Variants in SMARCB1 observed in about 807,000 individuals in gnomAD.
SMARCB1 encodes SWI/SNF-related matrix-associated actin-dependent regulator of chromatin subfamily B member 1.
SMARCB1 carries 5 observed loss-of-function variants against 49.0 expected under a neutral mutation model. That is an observed-to-expected ratio of 0.10 (90% CI 0.05 to 0.21). The LOEUF is 0.21. Ranked by LOEUF, SMARCB1 falls within the 10% of genes least tolerant of loss-of-function variation. The pLI is 1.00. For synonymous variants in SMARCB1, 201 were observed against 200.1 expected, an observed-to-expected ratio of 1.00 and a Z score of -0.04; for missense variants, 226 against 509.2, an observed-to-expected ratio of 0.44 and a Z score of 5.35.
At chr22:23,832,665 TG>T (rs1292415078) in intron 7 of SMARCB1, among the ~76,000 whole-genome samples, 1 of 149,232 alleles carries the variant, frequency 6.7e-6, no homozygotes, top group African/African-American at 2.5e-5. Flanking sequence ...CTCTCAGAGG[TG>T]GGGGTGACGG....
intron 4 of SMARCB1, chr22:23,803,030 G>T: frequency 1.8e-6 from 1 of 557,894 alleles, no homozygotes; most frequent in Non-Finnish European, 3.2e-6. Context: ...CCCTTCACAG[G>T]ATGTCTGGGT....
intron 6 of SMARCB1, among the ~76,000 whole-genome samples, chr22:23,820,950 A>AT (rs1482156568): frequency 2.0e-5 from 3 of 152,206 alleles, no homozygotes; most frequent in Admixed American, 6.5e-5. Flanking sequence ...TGGCCACACA[A>AT]GGGGCCTCAT....
intron 6 of SMARCB1, among the ~76,000 whole-genome samples, chr22:23,819,951 CGAG>C (rs2029992138): frequency 6.6e-6 from 1 of 151,970 alleles, no homozygotes; most frequent in Non-Finnish European, 1.5e-5. Context: ...TTCAGCCTCT[CGAG>C]GAGGAGCTGG....
intron 5 of SMARCB1, among the ~76,000 whole-genome samples, chr22:23,807,834 G>A (rs556805234): frequency 7.8e-5 from 11 of 141,530 alleles, no homozygotes; most frequent in East Asian, 4.1e-4. Context: ...TTGCTCTGTC[G>A]CCCAGGCTGG....
At chr22:23,792,106 C>T (rs1425823318) in intron 2 of SMARCB1, 5 of 612,224 alleles carry the variant, frequency 8.2e-6, no homozygotes, top group South Asian at 1.7e-5. Context: ...CCAGCAGGGC[C>T]ATTGGGTATG....
In SMARCB1 at chr22:23,835,242, G is replaced by A. The variant is rs1268521442; in HGVS notation, c.*1062G>A. 3.5e-6 allele frequency: 4 copies of A among 1,158,546 alleles called. No homozygotes were observed. The African/African-American group carries it at 6.4e-5, about 18-fold the overall frequency. 71.8% of individuals were successfully genotyped at this position (1,158,546 alleles called of 1,614,324 possible). A position where few individuals can be genotyped will look rare whatever the true frequency, so the allele number is the denominator to read the frequency against. Reference sequence around the variant, plus strand: ...CTGTTCTCATCTGTAATAGGGAGGTGTCCCCATTCTTCAGAATGGACACAG... The same window carrying A: ...CTGTTCTCATCTGTAATAGGGAGGTATCCCCATTCTTCAGAATGGACACAG... On this transcript the variant is annotated 3_prime_UTR_variant, in exon 9 of 9. Transcript: ENST00000644036.
Position 23,836,790 on chromosome 22 carries a change from G to C in SMARCB1, c.*2610G>C. On this transcript the variant is annotated 3_prime_UTR_variant, in exon 9 of 9. Coordinates refer to ENST00000644036, the MANE Select transcript of SMARCB1 (RefSeq NM_003073.5). ...TTGCATGGGCCCAGCCTTTAGGATG[G>C]GTTTTTTCTGCCCCAAGTAGGGGTC... 1 of 1,416,966 alleles carries C rather than the reference G, an allele frequency of 7.1e-7. No individual in the cohort carries two copies. The highest frequency in any genetic ancestry group is 3.2e-5 in the Admixed American group (1 of 31,416). 87.8% of individuals were successfully genotyped at this position (1,416,966 alleles called of 1,614,324 possible).
intron 5 of SMARCB1, among the ~76,000 whole-genome samples, chr22:23,811,942 CAAAA>C (rs1266439080): frequency 1.3e-5 from 2 of 152,042 alleles, no homozygotes; most frequent in African/African-American, 2.4e-5. Context: ...GCAAGGCTGA[CAAAA>C]AGAATGTAAA....
chr22:23,801,329 A>T (rs1244098637), intron 4 of SMARCB1: 7 of 706,758 alleles, frequency 9.9e-6, no homozygotes, highest in Non-Finnish European at 1.8e-5. Flanking sequence ...AAGTGGAGTT[A>T]CTCAGGGCGC....
At chr22:23,825,130 GGGCAGGGCCCACCCCAGGCCT>G (rs2030311572) in intron 6 of SMARCB1, 74 bp from the exon 7 acceptor site, 3 of 970,244 alleles carry the variant, frequency 3.1e-6, no homozygotes, top group South Asian at 1.3e-5. Flanking sequence ...GGACCCTGGT[GGGCAGGGCCCACCCCAGGCCT>G]GGCAGGGCCC....
Position 23,835,479 on chromosome 22 carries a change from T to C in SMARCB1, c.*1299T>C, listed in dbSNP as rs144660428. Reference sequence around the variant, plus strand: ...GCAGAGGCAGAGCTCTGATTAGGGATTGGGGTTCTTGGTCGCTGAGATGTG... The same window carrying C: ...GCAGAGGCAGAGCTCTGATTAGGGACTGGGGTTCTTGGTCGCTGAGATGTG... On this transcript the variant is annotated 3_prime_UTR_variant, in exon 9 of 9. Transcript: ENST00000644036. 1.2e-4 allele frequency: 122 copies of C among 985,670 alleles called. 1 individual carries two copies. In the African/African-American group the frequency reaches 2.0e-3, roughly 16 times the overall value. The allele number at this position is 985,670 out of a possible 1,614,324, so 61.1% of individuals were successfully genotyped here.
chr22:23,801,646 C>G (rs1465247411), intron 4 of SMARCB1: 1 of 334,494 alleles, frequency 3.0e-6, no homozygotes, highest in African/African-American at 2.1e-5. Flanking sequence ...GTTCCAGTCT[C>G]AGCCTCTGTG....
Position 23,837,547 on chromosome 22 carries a change from C to G in SMARCB1, c.*3367C>G. 8.8e-7 allele frequency: 1 copy of G among 1,133,672 alleles called. No homozygotes were observed. 70.2% of individuals were successfully genotyped at this position (1,133,672 alleles called of 1,614,324 possible). A position where few individuals can be genotyped will look rare whatever the true frequency, so the allele number is the denominator to read the frequency against. ...GGAGGGCAGGAAGATGGGGATGGAG[C>G]CAGGTGTGAGGAGAACTCCAGCAAG... On this transcript the variant is annotated 3_prime_UTR_variant, in exon 9 of 9. Transcript: ENST00000644036.
At chr22:23,820,188 T>A (rs937779162) in intron 6 of SMARCB1, among the ~76,000 whole-genome samples, 1 of 152,188 alleles carries the variant, frequency 6.6e-6, no homozygotes, top group African/African-American at 2.4e-5. Context: ...GTCTGTAGTT[T>A]TCCTTTCTTG....
At chr22:23,824,980 G>A (rs1222484887) in intron 6 of SMARCB1, 4 of 579,200 alleles carry the variant, frequency 6.9e-6, no homozygotes, top group Non-Finnish European at 1.2e-5. Flanking sequence ...GGTGCCCCCG[G>A]GGTCACTTCA....
Position 23,833,448 on chromosome 22 carries a change from GCATCCA to G in SMARCB1, c.987-122_987-117del, listed in dbSNP as rs1263671134. The G allele has an allele frequency of 2.6e-4, 358 of 1,351,766 alleles. No individual in the cohort carries two copies. In the Middle Eastern group the frequency reaches 8.4e-3, roughly 32 times the overall value. The allele number at this position is 1,351,766 out of a possible 1,614,324, so 83.7% of individuals were successfully genotyped here. On this transcript the variant is annotated intron_variant, in intron 7 of 8. Coordinates refer to ENST00000644036, the MANE Select transcript of SMARCB1 (RefSeq NM_003073.5). The stretch of plus-strand genomic sequence containing the variant: ...CTCCCTTGAGGTTCAGGTGACTGGA[GCATCCA>G]CTGGGTGCCAGCAGTGCTGCTGGGA...
intron 1 of SMARCB1, 87 bp downstream of exon 1, chr22:23,787,349 A>T (rs1325718607): frequency 2.7e-6 from 2 of 745,104 alleles, no homozygotes; most frequent in African/African-American, 2.2e-5. Flanking sequence ...GCGCGTCTCC[A>T]TTCATCGGGG....
chr22:23,829,046 G>A (rs1276808914), intron 7 of SMARCB1, among the ~76,000 whole-genome samples: 4 of 152,222 alleles, frequency 2.6e-5, no homozygotes, highest in Non-Finnish European at 2.9e-5. Context: ...AAGGGCCAGC[G>A]AAAGGAGGGA....
intron 5 of SMARCB1, chr22:23,816,471 C>T: frequency 1.8e-6 from 1 of 562,834 alleles, no homozygotes; most frequent in South Asian, 2.0e-5. Flanking sequence ...TGGATCATCT[C>T]ATTAGTTGGG....
Sources: allele counts gnomAD v4.1 joint callset (sites outside exome capture counted in the v4.1 genomes callset), GRCh38; gene constraint gnomAD v4.1.1; transcripts MANE v1.5; gene names NCBI Gene and HGNC (gene_info 2026-07-23, HGNC 2026-07-21).